TMEM50B: variants seen among roughly 807,000 people sequenced by gnomAD.
The protein encoded by TMEM50B is HCV p7-trans-regulated protein 3.
In TMEM50B, 14 loss-of-function variants were observed where a neutral mutation model predicts 23.4. That is an observed-to-expected ratio of 0.60 (90% CI 0.39 to 0.93). The LOEUF is 0.93. TMEM50B is among the 40% of genes least tolerant of loss of function. The probability of loss-of-function intolerance (pLI) is 0.00; values close to 1 mark genes in which losing one functional copy is unlikely to be tolerated. For synonymous variants in TMEM50B, 64 were observed against 62.3 expected, an observed-to-expected ratio of 1.03 and a Z score of -0.13; for missense variants, 159 against 193.0, an observed-to-expected ratio of 0.82 and a Z score of 1.04.
chr21:33,435,882 CAAAA>C (rs35251279), intron 8 of TMEM50B, among the ~76,000 whole-genome samples: 3 of 48,244 alleles, frequency 6.2e-5, no homozygotes, highest in Non-Finnish European at 1.0e-4. Context: ...GACTCCGTCT[CAAAA>C]AAAAAAAAAA....
In TMEM50B at chr21:33,450,102, A is replaced by T. The variant is rs2084103997; in HGVS notation, c.*716T>A. 1 of 152,218 alleles carries T rather than the reference A, an allele frequency of 6.6e-6. No individual in the cohort carries two copies. The highest frequency in any genetic ancestry group is 2.4e-5 in the African/African-American group (1 of 41,456). The allele number at this position is 152,218 out of a possible 1,614,324, so 9.4% of individuals were successfully genotyped here. Reference sequence around the variant, plus strand: ...AAAACCTCATTTTTAGGCCAAAATAAGTTACAACTTGCTGAAAACCTTTTA... The same window carrying T: ...AAAACCTCATTTTTAGGCCAAAATATGTTACAACTTGCTGAAAACCTTTTA... On this transcript the variant is annotated 3_prime_UTR_variant, in exon 7 of 7. Coordinates refer to ENST00000542230, the MANE Select transcript of TMEM50B (RefSeq NM_006134.7).
intron 8 of TMEM50B, among the ~76,000 whole-genome samples, chr21:33,438,514 T>C (rs894565794): frequency 1.3e-5 from 2 of 151,188 alleles, no homozygotes; most frequent in Admixed American, 6.6e-5. Flanking sequence ...AATCCATTTA[T>C]AGGCTGGGCA....
At chr21:33,454,004 T>G (rs910650658) in intron 6 of TMEM50B, among the ~76,000 whole-genome samples, 2 of 148,520 alleles carry the variant, frequency 1.3e-5, no homozygotes, top group African/African-American at 5.0e-5. Flanking sequence ...CTTGGGAGGC[T>G]GAGGCACGGA....
At chr21:33,443,898 T>G (rs78127013) in intron 7 of TMEM50B, among the ~76,000 whole-genome samples, 15 of 136,108 alleles carry the variant, frequency 1.1e-4, no homozygotes, top group South Asian at 4.3e-4. Flanking sequence ...TGTGGTTTTT[T>G]TTTGTTTGTT....
chr21:33,448,769 T>C (rs1292166170), downstream of TMEM50B: 4 of 151,998 alleles, frequency 2.6e-5, no homozygotes, highest in African/African-American at 9.7e-5. Flanking sequence ...TAACCAGACA[T>C]AATGACACGT....
At chr21:33,466,652 G>A (rs2084266892) in intron 3 of TMEM50B, among the ~76,000 whole-genome samples, 1 of 152,060 alleles carries the variant, frequency 6.6e-6, no homozygotes. Context: ...AAATAAAAAT[G>A]TTATCAATTA....
chr21:33,437,160 A>C, intron 8 of TMEM50B: 1 of 573,620 alleles, frequency 1.7e-6, no homozygotes, highest in Non-Finnish European at 3.1e-6. Context: ...TTTCAAAATC[A>C]AATTCCAGAA....
rs2123415278 is a variant in TMEM50B at position 33,450,709 on chromosome 21, CAA to C, written c.*107_*108del. 1.2e-6 allele frequency: 1 copy of C among 810,654 alleles called. No individual in the cohort carries two copies. The highest frequency in any genetic ancestry group is 2.6e-5 in the East Asian group (1 of 39,182). 50.2% of individuals were successfully genotyped at this position (810,654 alleles called of 1,614,324 possible). ...CTCAGAACATAAAAATGTAAAGAAA[CAA>C]AACATTTAATGTACAATCTACTCCA... On this transcript the variant is annotated 3_prime_UTR_variant, in exon 7 of 7. Coordinates refer to ENST00000542230, the MANE Select transcript of TMEM50B (RefSeq NM_006134.7).
downstream of TMEM50B, among the ~76,000 whole-genome samples, chr21:33,447,949 A>G (rs183668199): frequency 1.5e-4 from 23 of 152,202 alleles, no homozygotes; most frequent in East Asian, 4.2e-3. Context: ...CCTAACTCAT[A>G]ATATTTCTAA....
At chr21:33,471,981 G>A (rs891401505) in intron 1 of TMEM50B, among the ~76,000 whole-genome samples, 14 of 149,710 alleles carry the variant, frequency 9.4e-5, no homozygotes, top group East Asian at 3.9e-4. Context: ...GCAGTGAGCC[G>A]AGATGGCACC....
Position 33,456,098 on chromosome 21 carries a change from C to A in TMEM50B, c.374-314G>T, listed in dbSNP as rs143106590. On this transcript the variant is annotated intron_variant, in intron 5 of 6. Coordinates refer to ENST00000542230, the MANE Select transcript of TMEM50B (RefSeq NM_006134.7). Reference sequence around the variant, plus strand: ...GCTCCTTTGCCTCCTATGGCCAACACTGAAATGCAAAATCGTAAAAACATA... The same window carrying A: ...GCTCCTTTGCCTCCTATGGCCAACAATGAAATGCAAAATCGTAAAAACATA... The A allele has an allele frequency of 4.9e-5, 29 of 596,714 alleles. No individual in the cohort carries two copies. The African/African-American group carries it at 5.3e-4, about 11-fold the overall frequency. The allele number at this position is 596,714 out of a possible 1,614,324, so 37.0% of individuals were successfully genotyped here. A position where few individuals can be genotyped will look rare whatever the true frequency, so the allele number is the denominator to read the frequency against.
intron 4 of TMEM50B, among the ~76,000 whole-genome samples, chr21:33,464,813 A>AAAAAAAAAAAAAAAAAC: frequency 6.6e-6 from 1 of 150,720 alleles, no homozygotes; most frequent in Non-Finnish European, 1.5e-5. Flanking sequence ...TCAAAAAAAA[A>AAAAAAAAAAAAAAAAAC]AAAAAAAAAA....
intron 1 of TMEM50B, among the ~76,000 whole-genome samples, chr21:33,473,146 T>G (rs2084332989): frequency 6.9e-6 from 1 of 145,900 alleles, no homozygotes; most frequent in Non-Finnish European, 1.6e-5. Flanking sequence ...ACACTGTTAA[T>G]AACGCTTTAA....
chr21:33,432,932 CG>C, intron 8 of TMEM50B: 1 of 1,392,056 alleles, frequency 7.2e-7, no homozygotes, highest in East Asian at 2.4e-5. Flanking sequence ...GTTGCCCAGG[CG>C]GGAGTGTCAT....
rs1440281801 is a variant in TMEM50B, at chr21:33,449,251, G to C, written c.*1567C>G. 6.6e-6 allele frequency: 1 copy of C among 152,168 alleles called. No homozygotes were observed. The highest frequency in any genetic ancestry group is 1.5e-5 in the Non-Finnish European group (1 of 68,016). 9.4% of individuals were successfully genotyped at this position (152,168 alleles called of 1,614,324 possible). A position where few individuals can be genotyped will look rare whatever the true frequency, so the allele number is the denominator to read the frequency against. On this transcript the variant is annotated 3_prime_UTR_variant, in exon 7 of 7. Transcript: ENST00000542230. ...TTACTAACATTTTGAAGAAAAAACA[G>C]CAAAGAAAGAAGTCATCAAACAAGA...
chr21:33,478,874 T>G lies in TMEM50B; in HGVS notation c.-42+964A>C, dbSNP rs114953691. On this transcript the variant is annotated intron_variant, in intron 1 of 6. Coordinates refer to ENST00000542230, the MANE Select transcript of TMEM50B (RefSeq NM_006134.7). ...TCAGAGCCTCTGAAGTGTCAAGGGA[T>G]CCACAGTGCAGGTAGGATGAAGAGT... 7.6e-3 allele frequency: 3,587 copies of G among 469,594 alleles called. 105 individuals carry two copies. The highest frequency in any genetic ancestry group is 0.064 in the African/African-American group (3,213 of 49,950). 29.1% of individuals were successfully genotyped at this position (469,594 alleles called of 1,614,324 possible). A position where few individuals can be genotyped will look rare whatever the true frequency, so the allele number is the denominator to read the frequency against.
intron 4 of TMEM50B, among the ~76,000 whole-genome samples, chr21:33,464,516 C>T (rs2084246591): frequency 7.0e-6 from 1 of 142,100 alleles, no homozygotes; most frequent in Admixed American, 7.0e-5. Context: ...GTTTAAAAAA[C>T]ACAATTGGGC....
chr21:33,450,619 T>TA lies in TMEM50B; in HGVS notation c.*198dup, dbSNP rs1189523335. ...TCATTATCCAATTCATATAGTCTTG[T>TA]ATTATATACATATTAACAGTCTATG... is the stretch of plus-strand genomic sequence containing the variant. On this transcript the variant is annotated 3_prime_UTR_variant, in exon 7 of 7. Coordinates refer to ENST00000542230, the MANE Select transcript of TMEM50B (RefSeq NM_006134.7). 43 of 483,708 alleles carry TA rather than the reference T, an allele frequency of 8.9e-5. 1 individual carries two copies. The Admixed American group carries it at 1.5e-3, about 17-fold the overall frequency. 30.0% of individuals were successfully genotyped at this position (483,708 alleles called of 1,614,324 possible).
chr21:33,466,912 T>C, intron 3 of TMEM50B, 98 bp downstream of exon 3: 1 of 879,782 alleles, frequency 1.1e-6, no homozygotes, highest in Non-Finnish European at 1.7e-6. Flanking sequence ...AAATAGTCTA[T>C]CAAATAAATT....
Sources: gnomAD v4.1 joint callset for allele counts (sites outside exome capture counted in the v4.1 genomes callset) on GRCh38, gnomAD v4.1.1 for gene constraint, MANE v1.5 for transcripts, NCBI Gene and HGNC (gene_info 2026-07-23, HGNC 2026-07-21) for gene names.